RRM2: variants seen among roughly 807,000 people sequenced by gnomAD.
The protein encoded by RRM2 is ribonucleoside-diphosphate reductase subunit M2.
RRM2 carries 6 observed loss-of-function variants against 45.9 expected under a neutral mutation model. The observed-to-expected ratio is 0.13, with a 90% confidence interval of 0.07 to 0.26. The LOEUF (loss-of-function observed/expected upper bound fraction) is 0.26, where lower values mean the gene tolerates loss of function less well. Among genes scored for constraint, RRM2 ranks in the 10% least tolerant of loss-of-function variants. The probability of loss-of-function intolerance (pLI) is 1.00; values close to 1 mark genes in which losing one functional copy is unlikely to be tolerated. For synonymous variants in RRM2, 177 were observed against 173.0 expected (o/e 1.02, Z -0.18); for missense variants, 343 against 489.5 (o/e 0.70, Z 2.82).
chr2:10,210,566 C>T, exon 4 of RRM2: 1 of 1,366,278 alleles, frequency 7.3e-7, no homozygotes, highest in Non-Finnish European at 9.8e-7. Context: ...GCAGGTGGAC[C>T]CACCATTCTC....
intron 3 of RRM2, among the ~76,000 whole-genome samples, chr2:10,189,280 T>G (rs1156969309): frequency 1.3e-5 from 2 of 152,098 alleles, no homozygotes; most frequent in African/African-American, 2.4e-5. Context: ...TCAGATGCAT[T>G]GATTCTGGAG....
At chr2:10,193,980 A>G (rs1242705351) in intron 3 of RRM2, among the ~76,000 whole-genome samples, 1 of 152,224 alleles carries the variant, frequency 6.6e-6, no homozygotes, top group Non-Finnish European at 1.5e-5. Context: ...ACAAATTAAC[A>G]TAAATCCTGT....
intron 3 of RRM2, among the ~76,000 whole-genome samples, chr2:10,176,430 G>A (rs557267061): frequency 3.9e-5 from 6 of 152,186 alleles, no homozygotes; most frequent in East Asian, 1.9e-4. Context: ...CACCATGCCC[G>A]GCTAATTTTG....
exon 4 of RRM2, chr2:10,210,695 CT>C: frequency 8.6e-7 from 1 of 1,160,232 alleles, no homozygotes; most frequent in South Asian, 1.4e-5. Context: ...GGGTGGGAAA[CT>C]GGGGTGATGT....
chr2:10,129,626 G>T lies in RRM2; in HGVS notation c.*240G>T. 1 of 509,448 alleles carries T rather than the reference G, an allele frequency of 2.0e-6. No individual in the cohort carries two copies. Among genetic ancestry groups the T allele is most frequent in the South Asian group, 3.0e-5 (1 of 33,546 alleles). 31.6% of individuals were successfully genotyped at this position (509,448 alleles called of 1,614,324 possible). On this transcript the variant is annotated 3_prime_UTR_variant, in exon 10 of 10. Transcript: ENST00000304567. The surrounding 1 kb of genome is among the most constrained non-coding windows in gnomAD (Gnocchi z 4.8). ...CCATAGCAGTGACAATGGCAGTCTT[G>T]GCTTTAAAGTGAGGGGTGACCCTTT...
In RRM2 at chr2:10,195,469, G is replaced by A. The variant is rs935917076; in HGVS notation, n.483-14842G>A. On this transcript the variant is annotated intron_variant and non_coding_transcript_variant, in intron 3 of 3. Coordinates refer to the RRM2 transcript ENST00000381786. This position sits in a 1 kb window ranked among gnomAD's most constrained non-coding sequence, Gnocchi z 4.9. ...ACCGGAGCCAGCAGCAGGAGCATGC[G>A]GGGGAGACCTTGGCCCAGCCCTGCA... Among the ~76,000 whole-genome samples the A allele has an allele frequency of 2.6e-5, 4 of 152,322 alleles. No individual in the cohort carries two copies. Among genetic ancestry groups the A allele is most frequent in the East Asian group, 1.9e-4 (1 of 5,178 alleles).
chr2:10,137,406 G>T (rs1229776809), upstream of RRM2, among the ~76,000 whole-genome samples: 1 of 152,196 alleles, frequency 6.6e-6, no homozygotes, highest in African/African-American at 2.4e-5. Context: ...GCCTACACTC[G>T]TCCTGCCCTT....
chr2:10,151,924 C>T (rs1224068345), intron 3 of RRM2, among the ~76,000 whole-genome samples: 1 of 149,756 alleles, frequency 6.7e-6, no homozygotes, highest in Non-Finnish European at 1.5e-5. Flanking sequence ...TTGTTCAAAT[C>T]CTTTGCCCAT....
intron 3 of RRM2, among the ~76,000 whole-genome samples, chr2:10,188,479 AC>A (rs1018275049): frequency 4.6e-5 from 7 of 152,140 alleles, no homozygotes; most frequent in African/African-American, 1.7e-4. Context: ...TTGTAAGGAC[AC>A]CAGTCCTACT....
intron 3 of RRM2, among the ~76,000 whole-genome samples, chr2:10,159,457 C>T (rs992534031): frequency 6.6e-6 from 1 of 152,188 alleles, no homozygotes; most frequent in Non-Finnish European, 1.5e-5. Flanking sequence ...CTGGCCTAGG[C>T]GGGTCTCTCC....
At chr2:10,134,032 A>G (rs1402031671), downstream of RRM2, among the ~76,000 whole-genome samples, 2 of 152,012 alleles carry the variant, frequency 1.3e-5, no homozygotes, top group African/African-American at 4.8e-5. Flanking sequence ...TACAAAATTT[A>G]GCCGGGTGTG....
At chr2:10,167,533 T>C (rs1249953656) in intron 3 of RRM2, among the ~76,000 whole-genome samples, 2 of 152,110 alleles carry the variant, frequency 1.3e-5, no homozygotes, top group African/African-American at 2.4e-5. Flanking sequence ...TGCTTCTTTC[T>C]CTCCTCTCAG....
chr2:10,157,276 T>C (rs1478035685), intron 3 of RRM2, among the ~76,000 whole-genome samples: 1 of 152,146 alleles, frequency 6.6e-6, no homozygotes, highest in Non-Finnish European at 1.5e-5. Flanking sequence ...GTGATCTGCC[T>C]GCCTCTGCTT....
At chr2:10,175,008 T>G (rs1303727541) in intron 3 of RRM2, among the ~76,000 whole-genome samples, 1 of 152,238 alleles carries the variant, frequency 6.6e-6, no homozygotes, top group Admixed American at 6.5e-5. Context: ...AGAAAGTCCC[T>G]GCTAACATGC....
chr2:10,157,044 T>C (rs1442467838), intron 3 of RRM2, among the ~76,000 whole-genome samples: 5 of 97,222 alleles, frequency 5.1e-5, no homozygotes, highest in African/African-American at 1.7e-4. Context: ...TTTTTTGAGA[T>C]GGAGTCTCGC....
chr2:10,177,640 T>C (rs1345417494), intron 3 of RRM2, among the ~76,000 whole-genome samples: 1 of 151,394 alleles, frequency 6.6e-6, no homozygotes, highest in Non-Finnish European at 1.5e-5. Context: ...GCTACAAGGA[T>C]CCCTCCTGTT....
upstream of RRM2, among the ~76,000 whole-genome samples, chr2:10,136,440 G>A (rs1244398609): frequency 1.3e-5 from 2 of 152,104 alleles, no homozygotes; most frequent in South Asian, 4.1e-4. Flanking sequence ...CCTTGAAAAG[G>A]CACGCTGTCA....
intron 5 of RRM2, 40 bp downstream of exon 5, chr2:10,124,890 C>G: frequency 6.4e-7 from 1 of 1,557,558 alleles, no homozygotes; most frequent in Non-Finnish European, 8.7e-7. Flanking sequence ...TTAGGACTCA[C>G]TAATTGTTGA....
intron 3 of RRM2, among the ~76,000 whole-genome samples, chr2:10,199,457 C>G (rs1275920139): frequency 6.6e-6 from 1 of 152,016 alleles, no homozygotes; most frequent in South Asian, 2.1e-4. Context: ...AAACACAATT[C>G]TCTCTCTCCA....
Sources: allele counts gnomAD v4.1 joint callset (sites outside exome capture counted in the v4.1 genomes callset), GRCh38; gene constraint gnomAD v4.1.1; non-coding constraint Gnocchi (gnomAD v3.1); transcripts MANE v1.5; gene names NCBI Gene and HGNC (gene_info 2026-07-23, HGNC 2026-07-21).